The following CLSTN2 variants were observed in gnomAD, a reference collection of about 807,000 sequenced individuals.
The protein encoded by CLSTN2 is calsyntenin-2.
Under a neutral mutation model 101.2 loss-of-function variants are expected in CLSTN2, and 48 were observed. That is an observed-to-expected ratio of 0.47 (90% CI 0.38 to 0.60). The LOEUF (loss-of-function observed/expected upper bound fraction) is 0.60, where lower values mean the gene tolerates loss of function less well. CLSTN2 is among the 20% of genes least tolerant of loss of function. CLSTN2 has a pLI of 0.00. For missense variants in CLSTN2, 1,160 were observed against 1,238.2 expected (o/e 0.94, Z 0.95); for synonymous variants, 481 against 463.6 (o/e 1.04, Z -0.48).
intron 2 of CLSTN2, among the ~76,000 whole-genome samples, chr3:140,383,509 A>G (rs2088015549): frequency 6.6e-6 from 1 of 152,226 alleles, no homozygotes. Context: ...CTCCCCAATC[A>G]ATAAAAACAT....
At chr3:139,961,505 G>C (rs1576377481) in intron 1 of CLSTN2, among the ~76,000 whole-genome samples, 1 of 152,184 alleles carries the variant, frequency 6.6e-6, no homozygotes, top group South Asian at 2.1e-4. Context: ...ATGCAACAAA[G>C]TTAGGTGAAA....
At position 140,132,648 on chromosome 3, in the gene CLSTN2, A is replaced by G. The variant is rs149415339; in HGVS notation, c.110-43303A>G. Among the ~76,000 whole-genome samples the G allele has an allele frequency of 6.7e-4, 102 of 152,370 alleles. No homozygotes were observed. The East Asian group carries it at 0.017, about 25-fold the overall frequency. The stretch of plus-strand genomic sequence containing the variant: ...AGATGACATGTGAAAGTCTAGCACA[A>G]AATAGGTGCTCTAGGGAAGTGAATT... On this transcript the variant is annotated intron_variant, in intron 1 of 16. Transcript: ENST00000458420.
rs149390133 is a variant in CLSTN2, at chr3:140,380,115, G to T, written c.233-23514G>T. On this transcript the variant is annotated intron_variant, in intron 2 of 16. Coordinates refer to ENST00000458420, the MANE Select transcript of CLSTN2 (RefSeq NM_022131.3). ...ATTGTTGGAATAAGAGCCATCTCATGCCTGTTGAATGACCCCAGCCAGACA... is the reference window on the plus strand; with the variant it reads ...ATTGTTGGAATAAGAGCCATCTCATTCCTGTTGAATGACCCCAGCCAGACA... 2.3e-3 allele frequency among the ~76,000 whole-genome samples: 355 copies of T among 152,314 alleles called. 3 individuals carry two copies. Among genetic ancestry groups the T allele is most frequent in the African/African-American group, 8.2e-3 (339 of 41,564 alleles).
chr3:140,098,728 C>T (rs545274282), intron 1 of CLSTN2, among the ~76,000 whole-genome samples: 3 of 152,290 alleles, frequency 2.0e-5, no homozygotes, highest in African/African-American at 7.2e-5. Flanking sequence ...TTGTCTGCCT[C>T]CCATCTGGTT....
At chr3:140,458,924 A>G (rs1933485930) in intron 6 of CLSTN2, among the ~76,000 whole-genome samples, 1 of 152,242 alleles carries the variant, frequency 6.6e-6, no homozygotes, top group Non-Finnish European at 1.5e-5. Flanking sequence ...CTGTGTTCTC[A>G]ACCACTGCAT....
chr3:140,458,506 T>G (rs1041418728), intron 6 of CLSTN2, among the ~76,000 whole-genome samples: 1 of 151,866 alleles, frequency 6.6e-6, no homozygotes, highest in Non-Finnish European at 1.5e-5. Context: ...CTGTGGAGAG[T>G]CAGCGGAGGC....
At chr3:140,217,322 A>T (rs1216104145) in intron 2 of CLSTN2, among the ~76,000 whole-genome samples, 1 of 152,186 alleles carries the variant, frequency 6.6e-6, no homozygotes, top group African/African-American at 2.4e-5. Context: ...TACCAAGAAG[A>T]ATTTGACAAG....
chr3:140,488,563 A>C lies in CLSTN2; in HGVS notation c.1344+21832A>C, dbSNP rs973775568. On this transcript the variant is annotated intron_variant, in intron 8 of 16. Transcript: ENST00000458420. Reference sequence around the variant, plus strand: ...GTCTCACACTCACATGCAGAGATAGACAGATGACTGACTGAGATTTAGAAA... The same window carrying C: ...GTCTCACACTCACATGCAGAGATAGCCAGATGACTGACTGAGATTTAGAAA... Among the ~76,000 whole-genome samples, 4 of 151,416 alleles carry C rather than the reference A, an allele frequency of 2.6e-5. 1 individual carries two copies. The highest frequency in any genetic ancestry group is 6.4e-3 in the Middle Eastern group (2 of 312).
chr3:140,448,446 C>T, intron 5 of CLSTN2, 73 bp from the exon 6 acceptor site: 6 of 1,294,878 alleles, frequency 4.6e-6, no homozygotes, highest in Non-Finnish European at 6.5e-6. Context: ...AACAAATTCA[C>T]ATTTCTAAAA....
chr3:140,064,901 G>A (rs2041417637), intron 1 of CLSTN2, among the ~76,000 whole-genome samples: 1 of 152,050 alleles, frequency 6.6e-6, no homozygotes, highest in South Asian at 2.1e-4. Context: ...ATGACAAAGG[G>A]AATATCACCA....
At chr3:140,068,146 G>A (rs908788177) in intron 1 of CLSTN2, among the ~76,000 whole-genome samples, 2 of 152,244 alleles carry the variant, frequency 1.3e-5, no homozygotes, top group African/African-American at 4.8e-5. Context: ...AGTTTTGAAG[G>A]AGGCAGAGTT....
chr3:140,226,715 G>T (rs975472280), intron 2 of CLSTN2, among the ~76,000 whole-genome samples: 1 of 152,144 alleles, frequency 6.6e-6, no homozygotes, highest in African/African-American at 2.4e-5. Context: ...CATACCCAAG[G>T]CTGAGCAACT....
intron 8 of CLSTN2, among the ~76,000 whole-genome samples, chr3:140,490,261 C>T (rs565207023): frequency 6.6e-6 from 1 of 150,446 alleles, no homozygotes; most frequent in Admixed American, 6.7e-5. Context: ...CTCTCACCTC[C>T]AAGGATATGG....
At chr3:140,480,200 G>A (rs1934083488) in intron 8 of CLSTN2, among the ~76,000 whole-genome samples, 1 of 151,842 alleles carries the variant, frequency 6.6e-6, no homozygotes, top group Non-Finnish European at 1.5e-5. Flanking sequence ...GCAGTGTTTG[G>A]TTTTTTCTCC....
At chr3:140,466,380 T>C (rs1933702255) in intron 7 of CLSTN2, among the ~76,000 whole-genome samples, 1 of 152,214 alleles carries the variant, frequency 6.6e-6, no homozygotes, top group Admixed American at 6.5e-5. Flanking sequence ...TCCAGATGTC[T>C]TCTCAGCAAG....
intron 1 of CLSTN2, among the ~76,000 whole-genome samples, chr3:140,102,424 T>C (rs569391598): frequency 1.3e-5 from 2 of 152,232 alleles, no homozygotes; most frequent in Non-Finnish European, 2.9e-5. Flanking sequence ...TGGGTCTTCA[T>C]AGTGACTGAG....
chr3:140,013,459 G>T (rs906400289), intron 1 of CLSTN2, among the ~76,000 whole-genome samples: 2 of 152,182 alleles, frequency 1.3e-5, no homozygotes, highest in African/African-American at 2.4e-5. Flanking sequence ...GGAAGTGTGG[G>T]AATAGAAAGC....
chr3:140,541,523 T>C (rs949798232), intron 9 of CLSTN2, among the ~76,000 whole-genome samples: 4 of 152,196 alleles, frequency 2.6e-5, no homozygotes, highest in Non-Finnish European at 2.9e-5. Flanking sequence ...CGGTCACTAA[T>C]GGTCTGTCAG....
At chr3:140,331,418 A>G (rs147165164) in intron 2 of CLSTN2, among the ~76,000 whole-genome samples, 27 of 152,238 alleles carry the variant, frequency 1.8e-4, no homozygotes, top group African/African-American at 6.5e-4. Flanking sequence ...CAGAAACAAC[A>G]CCAGCCATCT....
Sources: gnomAD v4.1 joint callset for allele counts (sites outside exome capture counted in the v4.1 genomes callset) on GRCh38, gnomAD v4.1.1 for gene constraint, MANE v1.5 for transcripts, NCBI Gene and HGNC (gene_info 2026-07-23, HGNC 2026-07-21) for gene names.